The following TMEM132B variants were observed in gnomAD, a reference collection of about 807,000 sequenced individuals.
The protein encoded by TMEM132B is transmembrane protein 132B.
In TMEM132B, 18 loss-of-function variants were observed where a neutral mutation model predicts 90.8. That is an observed-to-expected ratio of 0.20 (90% CI 0.14 to 0.29). The LOEUF (loss-of-function observed/expected upper bound fraction) is 0.29. TMEM132B is among the 10% of genes least tolerant of loss of function. TMEM132B has a pLI of 1.00. For synonymous variants in TMEM132B, 504 were observed against 523.3 expected (o/e 0.96, Z 0.50); for missense variants, 1,096 against 1,326.8 (o/e 0.83, Z 2.70).
At chr12:125,589,350 C>T (rs893954976) in intron 5 of TMEM132B, among the ~76,000 whole-genome samples, 2 of 151,494 alleles carry the variant, frequency 1.3e-5, no homozygotes, top group African/African-American at 4.8e-5. Flanking sequence ...GGCGTAGTGG[C>T]GGGGGCCTGT....
intron 3 of TMEM132B, among the ~76,000 whole-genome samples, chr12:125,473,685 C>T (rs1881782123): frequency 6.6e-6 from 1 of 152,196 alleles, no homozygotes; most frequent in Non-Finnish European, 1.5e-5. Context: ...CACAAGTAAT[C>T]TGGGAGGATA....
intron 1 of TMEM132B, among the ~76,000 whole-genome samples, chr12:125,328,410 T>C (rs1265979209): frequency 6.6e-6 from 1 of 152,214 alleles, no homozygotes; most frequent in Admixed American, 6.5e-5. Context: ...CTTCGGCTAC[T>C]GTGTTAGTCT....
chr12:125,432,511 G>GTGTA (rs1555248848), intron 3 of TMEM132B, among the ~76,000 whole-genome samples: 589 of 18,554 alleles, frequency 0.032, 178 homozygotes, highest in African/African-American at 0.16. Context: ...ATGTGTGTGT[G>GTGTA]TATATATATA....
chr12:125,237,965 C>T (rs1032813966), intron 1 of TMEM132B, among the ~76,000 whole-genome samples: 1 of 152,116 alleles, frequency 6.6e-6, no homozygotes, highest in African/African-American at 2.4e-5. Flanking sequence ...GGAGCAGACT[C>T]GATGTCCCAA....
intron 4 of TMEM132B, among the ~76,000 whole-genome samples, chr12:125,534,486 C>T (rs2136705802): frequency 6.6e-6 from 1 of 152,336 alleles, no homozygotes; most frequent in Admixed American, 6.5e-5. Flanking sequence ...CATTGCACTC[C>T]AGCTTGGGTG....
At position 125,660,190 on chromosome 12, in the gene TMEM132B, AG is replaced by A. The variant is rs1233617468; in HGVS notation, c.*5481del. On this transcript the variant is annotated 3_prime_UTR_variant, in exon 9 of 9. Coordinates refer to ENST00000682704, the MANE Select transcript of TMEM132B (RefSeq NM_001366854.1). ...CTTGAACCTGAGAGGTGAAGGTTGT[AG>A]TGAGCCAAGATCGTACCACTGCACT... The A allele has an allele frequency of 6.6e-6, 1 of 152,306 alleles. No homozygotes were observed. The highest frequency in any genetic ancestry group is 1.5e-5 in the Non-Finnish European group (1 of 68,104). The allele number at this position is 152,306 out of a possible 1,614,324, so 9.4% of individuals were successfully genotyped here.
chr12:125,367,296 A>AT lies in TMEM132B; in HGVS notation c.959+16957dup, dbSNP rs202017379. Among the ~76,000 whole-genome samples the AT allele has an allele frequency of 9.1e-3, 1,388 of 152,124 alleles. 17 individuals carry two copies. The highest frequency in any genetic ancestry group is 0.03 in the African/African-American group (1,265 of 41,518). On this transcript the variant is annotated intron_variant, in intron 2 of 8. Transcript: ENST00000682704. ...TGAAGACTCTGGATTCTTATTTTTG[A>AT]TTTTCCAGTAAGTGTTGTTTCTTTT...
At chr12:125,556,879 C>T (rs1053030923) in intron 4 of TMEM132B, among the ~76,000 whole-genome samples, 17 of 152,206 alleles carry the variant, frequency 1.1e-4, no homozygotes, top group Non-Finnish European at 1.9e-4. Flanking sequence ...CTCAGCCTCC[C>T]AAGTAGCTGG....
At chr12:125,467,125 C>G (rs1174315138) in intron 3 of TMEM132B, among the ~76,000 whole-genome samples, 1 of 152,190 alleles carries the variant, frequency 6.6e-6, no homozygotes. Flanking sequence ...TTCCCTCTGT[C>G]AACCACTACC....
chr12:125,279,269 T>C (rs1875091259), intron 1 of TMEM132B, among the ~76,000 whole-genome samples: 1 of 152,066 alleles, frequency 6.6e-6, no homozygotes, highest in Non-Finnish European at 1.5e-5. Flanking sequence ...CATAGAAAAA[T>C]AAATGCAGCA....
intron 3 of TMEM132B, among the ~76,000 whole-genome samples, chr12:125,502,431 A>G (rs866178769): frequency 1.6e-4 from 24 of 152,338 alleles, no homozygotes; most frequent in Middle Eastern, 6.8e-3. Context: ...GGAGCACCTC[A>G]TCTTGAAAGT....
chr12:125,230,746 C>T (rs1190555971), intron 1 of TMEM132B, among the ~76,000 whole-genome samples: 2 of 151,790 alleles, frequency 1.3e-5, no homozygotes, highest in African/African-American at 2.4e-5. Flanking sequence ...CCTCATGATC[C>T]GCCCGCCTCG....
At chr12:125,237,915 T>C (rs573700876) in intron 1 of TMEM132B, among the ~76,000 whole-genome samples, 1 of 152,318 alleles carries the variant, frequency 6.6e-6, no homozygotes, top group Admixed American at 6.5e-5. Context: ...TCTGCTGTCA[T>C]GGCCTCCTCC....
chr12:125,433,728 A>G (rs1250621047), intron 3 of TMEM132B, among the ~76,000 whole-genome samples: 1 of 139,134 alleles, frequency 7.2e-6, no homozygotes, highest in Non-Finnish European at 1.5e-5. Flanking sequence ...ATGTCCAACA[A>G]TGATAGACTG....
chr12:125,547,298 A>G (rs766726654), intron 4 of TMEM132B, among the ~76,000 whole-genome samples: 3 of 152,234 alleles, frequency 2.0e-5, no homozygotes, highest in Non-Finnish European at 4.4e-5. Context: ...CTTTGTCAGC[A>G]CATGATATTG....
At chr12:125,373,881 G>A (rs1278054679) in intron 2 of TMEM132B, among the ~76,000 whole-genome samples, 2 of 151,810 alleles carry the variant, frequency 1.3e-5, no homozygotes, top group South Asian at 2.1e-4. Flanking sequence ...TGCAACCTCC[G>A]CCTCCTGGGT....
At chr12:125,405,797 C>T (rs146211264) in intron 2 of TMEM132B, among the ~76,000 whole-genome samples, 50 of 152,236 alleles carry the variant, frequency 3.3e-4, no homozygotes, top group Middle Eastern at 3.4e-3. Context: ...AGGTAAAGCA[C>T]GAGAAAATTT....
chr12:125,324,236 T>C (rs1315670974), intron 1 of TMEM132B, among the ~76,000 whole-genome samples: 3 of 152,210 alleles, frequency 2.0e-5, no homozygotes, highest in African/African-American at 4.8e-5. Flanking sequence ...ATAAATATAT[T>C]GACAAACAGA....
At chr12:125,577,502 A>C (rs903278695) in intron 4 of TMEM132B, among the ~76,000 whole-genome samples, 8 of 149,950 alleles carry the variant, frequency 5.3e-5, no homozygotes, top group African/African-American at 1.9e-4. Context: ...ATGAAATATA[A>C]TATCTAATAA....
Sources: gnomAD v4.1 joint callset for allele counts (sites outside exome capture counted in the v4.1 genomes callset) on GRCh38, gnomAD v4.1.1 for gene constraint, MANE v1.5 for transcripts, NCBI Gene and HGNC (gene_info 2026-07-23, HGNC 2026-07-21) for gene names.